Variants in MAPK9 observed in about 807,000 individuals in gnomAD.
The protein encoded by MAPK9 is Jun kinase.
In MAPK9, 30 loss-of-function variants were observed where a neutral mutation model predicts 57.1. The observed-to-expected ratio is 0.53, with a 90% CI of 0.39 to 0.71. The LOEUF (loss-of-function observed/expected upper bound fraction) is 0.71, where lower values mean the gene tolerates loss of function less well. Among genes scored for constraint, MAPK9 ranks in the 30% least tolerant of loss-of-function variants. The pLI is 0.00. For missense variants in MAPK9, 362 were observed against 521.0 expected (o/e 0.69, Z 2.97); for synonymous variants, 155 against 177.0 (o/e 0.88, Z 0.99).
At chr5:180,286,163 T>TTGG (rs1762738886) in intron 1 of MAPK9, among the ~76,000 whole-genome samples, 1 of 141,246 alleles carries the variant, frequency 7.1e-6, no homozygotes, top group East Asian at 2.7e-4. Flanking sequence ...TTTTTTTTTT[T>TTGG]GAGACGGAGT....
At chr5:180,280,651 A>T in intron 1 of MAPK9, 43 bp from the exon 2 acceptor site, 1 of 1,490,600 alleles carries the variant, frequency 6.7e-7, no homozygotes, top group Admixed American at 2.0e-5. Context: ...TACCGGAAGT[A>T]CATACGCAGC....
At chr5:180,289,530 T>C (rs1397930655) in intron 1 of MAPK9, among the ~76,000 whole-genome samples, 6 of 152,270 alleles carry the variant, frequency 3.9e-5, no homozygotes, top group Admixed American at 6.5e-5. Flanking sequence ...AGAATCCTTA[T>C]CTGGGAAGTG....
intron 8 of MAPK9, 50 bp from the exon 9 acceptor site, chr5:180,241,205 G>C: frequency 6.5e-7 from 1 of 1,529,952 alleles, no homozygotes; most frequent in Non-Finnish European, 8.9e-7. Flanking sequence ...GAAACAAACA[G>C]AATCATACAA....
chr5:180,277,393 C>T, intron 2 of MAPK9, among the ~76,000 whole-genome samples: 1 of 152,206 alleles, frequency 6.6e-6, no homozygotes, highest in East Asian at 1.9e-4. Flanking sequence ...TGTGGCCCCA[C>T]ATCACTCCAA....
intron 2 of MAPK9, among the ~76,000 whole-genome samples, chr5:180,272,275 C>T (rs781667042): frequency 7.2e-5 from 11 of 152,160 alleles, no homozygotes; most frequent in Non-Finnish European, 1.0e-4. Flanking sequence ...GATGGTATTG[C>T]TCTGCCCCCA....
Position 180,236,064 on chromosome 5 carries a change from C to T in MAPK9, c.*320G>A, listed in dbSNP as rs964280736. On this transcript the variant is annotated 3_prime_UTR_variant, in exon 12 of 12. Transcript: ENST00000452135. ...AAGCAAGCATTTGTGGTCACATGCACATACATCTCAACAGTTACAGATGAT... is the reference window on the plus strand; with the variant it reads ...AAGCAAGCATTTGTGGTCACATGCATATACATCTCAACAGTTACAGATGAT... 1 of 185,352 alleles carries T rather than the reference C, an allele frequency of 5.4e-6. No homozygotes were observed. Among genetic ancestry groups the T allele is most frequent in the African/African-American group, 2.3e-5 (1 of 42,694 alleles). The allele number at this position is 185,352 out of a possible 1,614,324, so 11.5% of individuals were successfully genotyped here.
At chr5:180,280,337 A>AGTT in intron 2 of MAPK9, 103 bp downstream of exon 2, 1 of 1,432,182 alleles carries the variant, frequency 7.0e-7, no homozygotes, top group Non-Finnish European at 9.5e-7. Flanking sequence ...CCTATAACAG[A>AGTT]GTTTTTTTTT....
In MAPK9 at chr5:180,280,469, T is replaced by C; in HGVS notation, c.93A>G (p.Pro31=). Residue 31 remains proline (P), a synonymous_variant, in exon 2 of 12, where the codon CCA becomes CCG. Coordinates refer to ENST00000452135, the MANE Select transcript of MAPK9 (RefSeq NM_002752.5). ...CAATCCCTTGGGCCCCAGAGCCAAT[T>C]GGTTTCAGCTGCTGGTAACGTTTTA... ...TVLKRYQQLK[P]IGSGAQGIVC... The C allele has an allele frequency of 6.2e-7, 1 of 1,614,192 alleles. No homozygotes were observed. Among genetic ancestry groups the C allele is most frequent in the Non-Finnish European group, 8.5e-7 (1 of 1,180,032 alleles).
Position 180,261,747 on chromosome 5 carries a change from G to T in MAPK9, c.387C>A (p.Ser129=). ...CACAAAGCATCTGGTAAAGAAGGTA[G>T]GACATTCTTTCATGATCCAGCTCCA... The part of the protein sequence containing the change: ...IHMELDHERM[S]YLLYQMLCGI... Residue 129 remains serine (S), a synonymous_variant, in exon 5 of 12, where the codon TCC becomes TCA. Coordinates refer to ENST00000452135, the MANE Select transcript of MAPK9 (RefSeq NM_002752.5). 6.2e-7 allele frequency: 1 copy of T among 1,611,864 alleles called. No homozygotes were observed. Among genetic ancestry groups the T allele is most frequent in the Non-Finnish European group, 8.5e-7 (1 of 1,178,120 alleles).
chr5:180,257,116 A>G (rs1225755335), intron 5 of MAPK9, among the ~76,000 whole-genome samples: 1 of 152,236 alleles, frequency 6.6e-6, no homozygotes, highest in Non-Finnish European at 1.5e-5. Flanking sequence ...AAAACAGTAC[A>G]CTAGATGGCA....
At chr5:180,252,804 G>A (rs1294940973) in intron 5 of MAPK9, among the ~76,000 whole-genome samples, 2 of 152,194 alleles carry the variant, frequency 1.3e-5, no homozygotes, top group African/African-American at 4.8e-5. Flanking sequence ...GCCAATGTGA[G>A]AGCTGAGGGT....
chr5:180,263,995 G>A (rs35908342), intron 4 of MAPK9, among the ~76,000 whole-genome samples: 3 of 152,136 alleles, frequency 2.0e-5, no homozygotes, highest in Admixed American at 2.0e-4. Context: ...GTGAGCCACC[G>A]CACCCGGCCA....
At chr5:180,259,253 T>C (rs1428566772) in intron 5 of MAPK9, among the ~76,000 whole-genome samples, 1 of 151,670 alleles carries the variant, frequency 6.6e-6, no homozygotes, top group Non-Finnish European at 1.5e-5. Flanking sequence ...GTTCTCTATG[T>C]AAACATGAAA....
intron 1 of MAPK9, among the ~76,000 whole-genome samples, chr5:180,290,236 C>T (rs553466475): frequency 2.0e-5 from 3 of 152,200 alleles, no homozygotes; most frequent in Non-Finnish European, 4.4e-5. Context: ...GTCCTTACAC[C>T]TGGCCCTCCA....
intron 5 of MAPK9, among the ~76,000 whole-genome samples, chr5:180,250,675 G>A (rs1055878909): frequency 3.9e-5 from 6 of 152,200 alleles, no homozygotes; most frequent in African/African-American, 1.4e-4. Flanking sequence ...ATGCTGCTAA[G>A]TGACCTGTTT....
chr5:180,241,303 AATT>A, intron 8 of MAPK9, 148 bp from the exon 9 acceptor site: 3 of 839,118 alleles, frequency 3.6e-6, no homozygotes, highest in Non-Finnish European at 5.1e-6. Context: ...TATAACCCAA[AATT>A]TTTTTTTTTT....
intron 2 of MAPK9, among the ~76,000 whole-genome samples, chr5:180,276,786 G>A (rs777001934): frequency 3.3e-5 from 5 of 152,196 alleles, no homozygotes; most frequent in African/African-American, 4.8e-5. Flanking sequence ...CCCGCGAGGC[G>A]GAGGTTGCGG....
Position 180,283,736 on chromosome 5 carries a change from G to T in MAPK9, c.-47-3128C>A, listed in dbSNP as rs1319100075. ...GAATCACTTGAGGTCAGGAGTTTGA[G>T]AACAGCCTGGCCAACATGGTGAAGC... On this transcript the variant is annotated intron_variant, in intron 1 of 11. Coordinates refer to ENST00000452135, the MANE Select transcript of MAPK9 (RefSeq NM_002752.5). 2.6e-5 allele frequency among the ~76,000 whole-genome samples: 4 copies of T among 152,186 alleles called. 1 individual carries two copies. Among genetic ancestry groups the T allele is most frequent in the Non-Finnish European group, 5.9e-5 (4 of 68,030 alleles).
At chr5:180,284,899 TAA>T (rs1762607764) in intron 1 of MAPK9, among the ~76,000 whole-genome samples, 1 of 152,116 alleles carries the variant, frequency 6.6e-6, no homozygotes, top group Non-Finnish European at 1.5e-5. Flanking sequence ...CCCAGCTACG[TAA>T]ACACACACAC....
Sources: gnomAD v4.1 joint callset for allele counts (sites outside exome capture counted in the v4.1 genomes callset) on GRCh38, gnomAD v4.1.1 for gene constraint, MANE v1.5 for transcripts, NCBI Gene and HGNC (gene_info 2026-07-23, HGNC 2026-07-21) for gene names.